LRRK2: variants seen among roughly 807,000 people sequenced by gnomAD.
The protein encoded by LRRK2 is leucine rich repeat kinase 2.
In LRRK2, 203 loss-of-function variants were observed where a neutral mutation model predicts 302.6. The ratio of observed to expected loss-of-function variants is 0.67; its 90% CI spans 0.60 to 0.75. The LOEUF (loss-of-function observed/expected upper bound fraction) is 0.75. LRRK2 is among the 30% of genes least tolerant of loss of function. The pLI is 0.00. For synonymous variants in LRRK2, 1,066 were observed against 1,031.9 expected (o/e 1.03, Z -0.63); for missense variants, 2,830 against 2,951.0 (o/e 0.96, Z 0.95).
At chr12:40,299,965 A>G (rs574952532) in intron 25 of LRRK2, among the ~76,000 whole-genome samples, 1 of 152,292 alleles carries the variant, frequency 6.6e-6, no homozygotes, top group South Asian at 2.1e-4. Context: ...GTCAGAGGTT[A>G]AAATGATAGT....
At chr12:40,325,573 A>G (rs544921494) in intron 38 of LRRK2, among the ~76,000 whole-genome samples, 1 of 152,348 alleles carries the variant, frequency 6.6e-6, no homozygotes, top group East Asian at 1.9e-4. Context: ...CAGATGTGAC[A>G]ATCAAAAATG....
At chr12:40,230,576 A>G (rs750691159) in intron 2 of LRRK2, among the ~76,000 whole-genome samples, 21 of 151,934 alleles carry the variant, frequency 1.4e-4, no homozygotes, top group Middle Eastern at 6.9e-3. Flanking sequence ...ACTGAGTCTT[A>G]CTTTCAGTAT....
chr12:40,311,490 C>T (rs1945036454), intron 31 of LRRK2, among the ~76,000 whole-genome samples: 1 of 152,116 alleles, frequency 6.6e-6, no homozygotes. Context: ...CTTGGCTTAG[C>T]TCAATAGCAC....
intron 10 of LRRK2, among the ~76,000 whole-genome samples, chr12:40,251,941 G>A (rs1050858482): frequency 6.6e-6 from 1 of 152,180 alleles, no homozygotes; most frequent in Admixed American, 6.5e-5. Flanking sequence ...ATTAGATTTG[G>A]TTAGAGAGCT....
chr12:40,301,132 C>T, intron 25 of LRRK2: 1 of 456,366 alleles, frequency 2.2e-6, no homozygotes, highest in Admixed American at 2.3e-5. Context: ...GTTTGCTTTG[C>T]ACTACACAAT....
Position 40,235,726 on chromosome 12 carries a change from A to G in LRRK2, c.436+12A>G, listed in dbSNP as rs998686974. On this transcript the variant is annotated intron_variant, in intron 4 of 50. Transcript: ENST00000298910. ...CCTCCTAACTTCAGGTAATATGTGTATATGTTTTTTGTGTTGATTCAAATT... is the reference window on the plus strand; with the variant it reads ...CCTCCTAACTTCAGGTAATATGTGTGTATGTTTTTTGTGTTGATTCAAATT... 6.7e-7 allele frequency: 1 copy of G among 1,502,724 alleles called. No homozygotes were observed. Among genetic ancestry groups the G allele is most frequent in the Non-Finnish European group, 9.2e-7 (1 of 1,081,082 alleles). 93.1% of individuals were successfully genotyped at this position (1,502,724 alleles called of 1,614,324 possible). A position where few individuals can be genotyped will look rare whatever the true frequency, so the allele number is the denominator to read the frequency against.
At position 40,251,379 on chromosome 12, in the gene LRRK2, G is replaced by A. The variant is rs1308162448; in HGVS notation, c.1101+5G>A. ...AGAAAGAACAAGCACGTGCAGGTAG[G>A]ACTCTCATAAATATTAGAGTTATTC... On this transcript the variant is annotated splice_donor_5th_base_variant and intron_variant, in intron 9 of 50. Transcript: ENST00000298910. The A allele has an allele frequency of 1.2e-6, 2 of 1,613,824 alleles. No homozygotes were observed. Among genetic ancestry groups the A allele is most frequent in the South Asian group, 1.1e-5 (1 of 91,062 alleles).
intron 40 of LRRK2, 63 bp downstream of exon 40, chr12:40,335,220 G>A (rs930545495): frequency 6.5e-7 from 1 of 1,544,602 alleles, no homozygotes; most frequent in Non-Finnish European, 8.9e-7. Flanking sequence ...TTGCTCTCAG[G>A]TTCTGAGAAC....
At chr12:40,343,069 G>C (rs948629884) in intron 41 of LRRK2, among the ~76,000 whole-genome samples, 22 of 152,278 alleles carry the variant, frequency 1.4e-4, no homozygotes, top group Admixed American at 1.4e-3. Context: ...AAAAACTGTA[G>C]GACAAAATGC....
intron 20 of LRRK2, among the ~76,000 whole-genome samples, chr12:40,292,079 G>T (rs1302592548): frequency 6.6e-6 from 1 of 151,860 alleles, no homozygotes; most frequent in Non-Finnish European, 1.5e-5. Context: ...TTCCATAACT[G>T]CCCCAGAACT....
At chr12:40,308,775 C>T in intron 29 of LRRK2, 79 bp downstream of exon 29, 2 of 1,307,664 alleles carry the variant, frequency 1.5e-6, no homozygotes, top group African/African-American at 1.5e-5. Context: ...GCTTTCTGTT[C>T]TAATATCCAG....
At chr12:40,292,206 G>A (rs1944184762) in intron 20 of LRRK2, among the ~76,000 whole-genome samples, 1 of 151,988 alleles carries the variant, frequency 6.6e-6, no homozygotes, top group African/African-American at 2.4e-5. Context: ...TAAGCAGAAG[G>A]CCAGAGTGAT....
chr12:40,244,117 C>T (rs1305051448), intron 7 of LRRK2, among the ~76,000 whole-genome samples: 1 of 152,006 alleles, frequency 6.6e-6, no homozygotes, highest in South Asian at 2.1e-4. Flanking sequence ...GGGAAGCTAC[C>T]CTGGGCTTCT....
intron 45 of LRRK2, among the ~76,000 whole-genome samples, chr12:40,355,369 C>T (rs1296744340): frequency 6.6e-6 from 1 of 152,040 alleles, no homozygotes; most frequent in African/African-American, 2.4e-5. Flanking sequence ...CTAATGGAAA[C>T]GTACTGGAGC....
chr12:40,357,079 C>T lies in LRRK2; in HGVS notation c.6843+892C>T, dbSNP rs564343215. On this transcript the variant is annotated intron_variant, in intron 46 of 50. Transcript: ENST00000298910. ...GTTAACCAGCCTCCCTTCATCCTCCCCTTCTCCCACACACCCATATCCTCC... is the reference window on the plus strand; with the variant it reads ...GTTAACCAGCCTCCCTTCATCCTCCTCTTCTCCCACACACCCATATCCTCC... Among the ~76,000 whole-genome samples the T allele has an allele frequency of 2.6e-5, 4 of 152,268 alleles. No individual in the cohort carries two copies. In the South Asian group the frequency reaches 8.3e-4, roughly 32 times the overall value.
At chr12:40,330,344 A>G (rs556287638) in intron 39 of LRRK2, among the ~76,000 whole-genome samples, 41 of 152,256 alleles carry the variant, frequency 2.7e-4, no homozygotes, top group African/African-American at 9.9e-4. Flanking sequence ...TTTGAAGAAA[A>G]TTCCATTGAT....
At chr12:40,238,729 G>A (rs1250329215) in intron 5 of LRRK2, among the ~76,000 whole-genome samples, 2 of 152,110 alleles carry the variant, frequency 1.3e-5, no homozygotes, top group African/African-American at 2.4e-5. Flanking sequence ...GTATCATTAT[G>A]AGAGCCAACT....
intron 2 of LRRK2, among the ~76,000 whole-genome samples, chr12:40,230,575 T>C (rs1260724311): frequency 6.6e-6 from 1 of 152,228 alleles, no homozygotes; most frequent in Non-Finnish European, 1.5e-5. Context: ...CACTGAGTCT[T>C]ACTTTCAGTA....
intron 48 of LRRK2, among the ~76,000 whole-genome samples, chr12:40,364,159 T>C (rs1946802500): frequency 6.6e-6 from 1 of 151,974 alleles, no homozygotes; most frequent in Admixed American, 6.6e-5. Context: ...TTTTACCATA[T>C]AGATCTATGA....
Sources: gnomAD v4.1 joint callset for allele counts (sites outside exome capture counted in the v4.1 genomes callset) on GRCh38, gnomAD v4.1.1 for gene constraint, MANE v1.5 for transcripts, NCBI Gene and HGNC (gene_info 2026-07-23, HGNC 2026-07-21) for gene names.